Variants in VOPP1 observed in about 807,000 individuals in gnomAD.
VOPP1 encodes the protein WW domain binding protein VOPP1.
VOPP1 carries 8 observed loss-of-function variants against 23.5 expected under a neutral mutation model. That is an observed-to-expected ratio of 0.34 (90% CI 0.20 to 0.61). VOPP1 has a LOEUF of 0.61. VOPP1 is among the 20% of genes least tolerant of loss of function. The probability of loss-of-function intolerance (pLI) is 0.78; values close to 1 mark genes in which losing one functional copy is unlikely to be tolerated. For synonymous variants in VOPP1, 83 were observed against 97.3 expected, an observed-to-expected ratio of 0.85 and a Z score of 0.86; for missense variants, 174 against 238.1, an observed-to-expected ratio of 0.73 and a Z score of 1.77.
At chr7:55,469,793 T>C (rs999609240), downstream of VOPP1, among the ~76,000 whole-genome samples, 2 of 152,228 alleles carry the variant, frequency 1.3e-5, no homozygotes, top group African/African-American at 4.8e-5. Context: ...AATATACTTG[T>C]GTGCACTGCC....
At chr7:55,528,470 A>G (rs192373949) in intron 1 of VOPP1, among the ~76,000 whole-genome samples, 8 of 152,352 alleles carry the variant, frequency 5.3e-5, no homozygotes, top group Admixed American at 5.2e-4. Flanking sequence ...AAAACTGGAT[A>G]TGAAAAGATA....
downstream of VOPP1, among the ~76,000 whole-genome samples, chr7:55,468,556 C>T (rs1462278795): frequency 1.3e-5 from 2 of 152,202 alleles, no homozygotes; most frequent in South Asian, 2.1e-4. Context: ...AGACACACCT[C>T]GGAGGGACCT....
chr7:55,497,421 G>C (rs1402112619), intron 3 of VOPP1, among the ~76,000 whole-genome samples, 192 bp downstream of exon 3: 1 of 152,108 alleles, frequency 6.6e-6, no homozygotes, highest in East Asian at 1.9e-4. Flanking sequence ...ACAAAAACAG[G>C]CTTCCCACAA....
intron 4 of VOPP1, among the ~76,000 whole-genome samples, chr7:55,474,474 G>A (rs1792083726): frequency 6.6e-6 from 1 of 152,210 alleles, no homozygotes; most frequent in South Asian, 2.1e-4. Flanking sequence ...AGGCACTGAG[G>A]GCTGTCGGCA....
At chr7:55,452,242 A>G (rs1013506003) in intron 4 of VOPP1, among the ~76,000 whole-genome samples, 4 of 152,194 alleles carry the variant, frequency 2.6e-5, no homozygotes, top group African/African-American at 9.6e-5. Flanking sequence ...CATCCATTAA[A>G]GTTTTACCAT....
chr7:55,564,822 T>A (rs1798112292), intron 1 of VOPP1, among the ~76,000 whole-genome samples: 1 of 152,220 alleles, frequency 6.6e-6, no homozygotes, highest in African/African-American at 2.4e-5. Flanking sequence ...ACTGAGGGAT[T>A]TCTCTTTACA....
intron 4 of VOPP1, among the ~76,000 whole-genome samples, chr7:55,438,894 C>T (rs1158663941): frequency 6.6e-6 from 1 of 152,074 alleles, no homozygotes; most frequent in East Asian, 1.9e-4. Context: ...TGAGCTGGAG[C>T]CAGCAGGACT....
intron 4 of VOPP1, among the ~76,000 whole-genome samples, chr7:55,436,632 G>GT (rs1491402596): frequency 3.7e-5 from 5 of 135,166 alleles, no homozygotes; most frequent in African/African-American, 1.4e-4. Context: ...GTGTGTGTGC[G>GT]TGTGTGTGCG....
intron 1 of VOPP1, among the ~76,000 whole-genome samples, chr7:55,560,685 T>C (rs1248425732): frequency 6.6e-6 from 1 of 152,154 alleles, no homozygotes; most frequent in Non-Finnish European, 1.5e-5. Flanking sequence ...AAGTTTGTAG[T>C]CACTTGTTAT....
At chr7:55,459,073 G>GT (rs35220932) in intron 4 of VOPP1, among the ~76,000 whole-genome samples, 47,870 of 151,268 alleles carry the variant, frequency 0.32, 8,074 homozygotes, top group Non-Finnish European at 0.39. Flanking sequence ...TTTGTTGAGA[G>GT]TTTTTTTTTA....
In VOPP1 at chr7:55,549,176, G is replaced by A. The variant is rs1002677409; in HGVS notation, c.54+23095C>T. The stretch of plus-strand genomic sequence containing the variant: ...ATGCGCCTAAATTACCTAAAGGTTC[G>A]ACAGGGGAGATAGGACCAGTTAATC... On this transcript the variant is annotated intron_variant, in intron 1 of 4. Coordinates refer to ENST00000285279, the MANE Select transcript of VOPP1 (RefSeq NM_030796.5). 2.0e-5 allele frequency among the ~76,000 whole-genome samples: 3 copies of A among 152,198 alleles called. No homozygotes were observed. The South Asian group carries it at 6.2e-4, about 31-fold the overall frequency.
At chr7:55,494,659 T>G (rs1793819120) in intron 3 of VOPP1, among the ~76,000 whole-genome samples, 1 of 152,234 alleles carries the variant, frequency 6.6e-6, no homozygotes, top group Non-Finnish European at 1.5e-5. Flanking sequence ...AAATAATTTT[T>G]GGTAGAGACG....
chr7:55,549,693 G>C (rs894324561), intron 1 of VOPP1, among the ~76,000 whole-genome samples: 3 of 152,192 alleles, frequency 2.0e-5, no homozygotes, highest in African/African-American at 7.2e-5. Context: ...CACCTGCAAT[G>C]AGCAGAAGCT....
intron 1 of VOPP1, among the ~76,000 whole-genome samples, chr7:55,569,126 G>C (rs1798261523): frequency 6.6e-6 from 1 of 152,182 alleles, no homozygotes; most frequent in South Asian, 2.1e-4. Flanking sequence ...AGGAAACTCT[G>C]AGTTAATAGA....
chr7:55,550,667 A>G (rs1797567368), intron 1 of VOPP1, among the ~76,000 whole-genome samples: 1 of 152,004 alleles, frequency 6.6e-6, no homozygotes, highest in Non-Finnish European at 1.5e-5. Flanking sequence ...CATTAGCCCT[A>G]TCGCGAAGGA....
At chr7:55,443,590 C>T (rs1231552800) in intron 4 of VOPP1, among the ~76,000 whole-genome samples, 1 of 151,124 alleles carries the variant, frequency 6.6e-6, no homozygotes, top group African/African-American at 2.4e-5. Context: ...AAACAGAAAA[C>T]AGATAAATGT....
intron 1 of VOPP1, among the ~76,000 whole-genome samples, chr7:55,529,096 TG>T (rs1796349006): frequency 6.6e-6 from 1 of 152,144 alleles, no homozygotes; most frequent in Admixed American, 6.5e-5. Flanking sequence ...GAGTCCTCAA[TG>T]GGCCGGGCAC....
At chr7:55,552,633 C>T in intron 1 of VOPP1, 1 of 1,536,000 alleles carries the variant, frequency 6.5e-7, no homozygotes, top group South Asian at 1.2e-5. Flanking sequence ...TGTGTGGCTC[C>T]AAAGTTGCCC....
At chr7:55,485,879 C>T (rs1433224930) in intron 4 of VOPP1, among the ~76,000 whole-genome samples, 1 of 152,244 alleles carries the variant, frequency 6.6e-6, no homozygotes, top group East Asian at 1.9e-4. Context: ...AATATTAATA[C>T]ATTTAGGGAG....
Sources: allele counts gnomAD v4.1 joint callset (sites outside exome capture counted in the v4.1 genomes callset), GRCh38; gene constraint gnomAD v4.1.1; transcripts MANE v1.5; gene names NCBI Gene and HGNC (gene_info 2026-07-23, HGNC 2026-07-21).